SLC22A8: variants seen among roughly 807,000 people sequenced by gnomAD.
The protein encoded by SLC22A8 is solute carrier family 22 member 8.
Under a neutral mutation model 48.4 loss-of-function variants are expected in SLC22A8, and 40 were observed. The observed-to-expected ratio is 0.83, with a 90% CI of 0.64 to 1.08. The LOEUF is 1.08. SLC22A8 is among the 50% of genes least tolerant of loss of function. The pLI is 0.00. For missense variants in SLC22A8, 606 were observed against 699.0 expected, an observed-to-expected ratio of 0.87 and a Z score of 1.50; for synonymous variants, 268 against 286.3, an observed-to-expected ratio of 0.94 and a Z score of 0.65.
intron 2 of SLC22A8, among the ~76,000 whole-genome samples, chr11:63,009,584 T>C (rs993283296): frequency 3.9e-5 from 6 of 152,252 alleles, no homozygotes; most frequent in Admixed American, 6.5e-5. Flanking sequence ...CGTGTTCCCA[T>C]GCTTTCTAGA....
Position 62,993,555 on chromosome 11 carries a change from C to A in SLC22A8, c.1398G>T (p.Thr466=). The part of the protein sequence containing the change: ...GSMVSPLVKI[T]GEVQPFIPNI... The stretch of plus-strand genomic sequence containing the variant: ...TGGGGATGAAGGGCTGTACCTCACC[C>A]GTGATTTTCACCAGCGGGGACACCA... The change falls in exon 10 of 11, where the codon ACG becomes ACT. Residue 466 remains threonine (T), a synonymous_variant. Coordinates refer to ENST00000336232, the MANE Select transcript of SLC22A8 (RefSeq NM_004254.4). 6.2e-7 allele frequency: 1 copy of A among 1,614,038 alleles called. No homozygotes were observed. The highest frequency in any genetic ancestry group is 8.5e-7 in the Non-Finnish European group (1 of 1,179,900).
At chr11:62,997,949 C>T (rs762067190) in intron 5 of SLC22A8, among the ~76,000 whole-genome samples, 1 of 152,122 alleles carries the variant, frequency 6.6e-6, no homozygotes, top group Non-Finnish European at 1.5e-5. Flanking sequence ...TGCTCTTTGG[C>T]TCTGACTACC....
Position 63,010,417 on chromosome 11 carries a change from C to T in SLC22A8, c.333+4209G>A, listed in dbSNP as rs571284081. On this transcript the variant is annotated intron_variant, in intron 2 of 10. Coordinates refer to ENST00000336232, the MANE Select transcript of SLC22A8 (RefSeq NM_004254.4). ...ACCTGGAGCCAACGCATCGGTTTCCCGCCTCTGTGTCAGAGACCTACTTCT... is the reference window on the plus strand; with the variant it reads ...ACCTGGAGCCAACGCATCGGTTTCCTGCCTCTGTGTCAGAGACCTACTTCT... 5.3e-5 allele frequency among the ~76,000 whole-genome samples: 8 copies of T among 152,300 alleles called. No homozygotes were observed. In the East Asian group the frequency reaches 9.6e-4, roughly 18 times the overall value.
At chr11:62,993,929 A>G (rs749072359) in intron 8 of SLC22A8, 51 bp from the exon 9 acceptor site, 11 of 1,104,578 alleles carry the variant, frequency 1.0e-5, no homozygotes, top group African/African-American at 1.5e-5. Flanking sequence ...AGCACCTAAG[A>G]GTTCTCACTC....
intron 2 of SLC22A8, among the ~76,000 whole-genome samples, chr11:63,009,163 A>G (rs891145959): frequency 3.3e-5 from 5 of 151,932 alleles, no homozygotes; most frequent in African/African-American, 4.8e-5. Flanking sequence ...AGGGTGGGCA[A>G]ATGGGGGTGT....
At chr11:63,010,741 GT>G (rs1302277857) in intron 2 of SLC22A8, among the ~76,000 whole-genome samples, 1 of 152,216 alleles carries the variant, frequency 6.6e-6, no homozygotes, top group East Asian at 1.9e-4. Context: ...GACCCCCGGC[GT>G]CCTGCTGGGA....
intron 8 of SLC22A8, chr11:62,994,232 C>T: frequency 1.9e-6 from 1 of 524,432 alleles, no homozygotes; most frequent in South Asian, 2.4e-5. Flanking sequence ...TGAGCATGAG[C>T]TCTGTCGTTT....
At chr11:63,014,583 G>C (rs2086652922) in intron 2 of SLC22A8, 43 bp downstream of exon 2, 4 of 1,507,226 alleles carry the variant, frequency 2.7e-6, no homozygotes, top group Non-Finnish European at 3.6e-6. Context: ...CAGGGTATGG[G>C]GGTACGTGGG....
chr11:63,011,505 C>T (rs2135145550), intron 2 of SLC22A8, among the ~76,000 whole-genome samples: 1 of 152,252 alleles, frequency 6.6e-6, no homozygotes, highest in South Asian at 2.1e-4. Flanking sequence ...CACGGCAAGT[C>T]ACCTGTACAT....
rs11568495 is a variant in SLC22A8 at position 62,998,968 on chromosome 11, C to A, written c.714G>T (p.Leu238=). ...AGAAGGGAATGGACACAGTTAACTG[C>A]AGCCAACGCCACTGGGGGATGGCGT... ...LAYAIPQWRW[L]QLTVSIPFFV... Residue 238 remains leucine, a synonymous_variant, in exon 5 of 11, where the codon CTG becomes CTT. Coordinates refer to ENST00000336232, the MANE Select transcript of SLC22A8 (RefSeq NM_004254.4). The A allele has an allele frequency of 2.5e-6, 4 of 1,613,748 alleles. No homozygotes were observed. Among genetic ancestry groups the A allele is most frequent in the East Asian group, 4.5e-5 (2 of 44,892 alleles).
intron 2 of SLC22A8, among the ~76,000 whole-genome samples, chr11:63,009,653 CCTT>C (rs1250146303): frequency 6.6e-6 from 1 of 152,170 alleles, no homozygotes; most frequent in Non-Finnish European, 1.5e-5. Flanking sequence ...AAAATCCTGA[CCTT>C]CTCTGCTGCA....
At chr11:63,012,677 C>T (rs1427985680) in intron 2 of SLC22A8, among the ~76,000 whole-genome samples, 2 of 152,212 alleles carry the variant, frequency 1.3e-5, no homozygotes. Context: ...ACTATTCTAG[C>T]TGCTGCAGAT....
At chr11:63,013,787 A>C (rs1470443117) in intron 2 of SLC22A8, among the ~76,000 whole-genome samples, 2 of 152,208 alleles carry the variant, frequency 1.3e-5, no homozygotes, top group Non-Finnish European at 2.9e-5. Context: ...GACAGTGTCT[A>C]CAAAGCCCCC....
intron 2 of SLC22A8, among the ~76,000 whole-genome samples, chr11:63,004,632 G>A (rs1461352952): frequency 6.6e-6 from 1 of 152,154 alleles, no homozygotes; most frequent in East Asian, 1.9e-4. Flanking sequence ...TTTCTCAGTA[G>A]TGCTTATACC....
At chr11:63,014,550 T>G in intron 2 of SLC22A8, 76 bp downstream of exon 2, 2 of 1,322,364 alleles carry the variant, frequency 1.5e-6, no homozygotes, top group Non-Finnish European at 2.1e-6. Context: ...GACCCCAGCC[T>G]CCTCTGCTGC....
chr11:62,994,601 T>C lies in SLC22A8; in HGVS notation c.1157A>G (p.Gln386Arg). ...TCCTGCCAGGAGCAGGGCAGCGGCC[T>C]GAGTGGTATGCCGGCCCAGGTAGCT... ...SLSYLGRHTT[Q>R]AAALLLAGGA... The change falls in exon 8 of 11, where the codon CAG becomes CGG. Residue 386 changes from glutamine to arginine, a missense_variant. By Grantham distance (43) the Gln-to-Arg change is conservative. Coordinates refer to ENST00000336232, the MANE Select transcript of SLC22A8 (RefSeq NM_004254.4). 2 of 1,614,032 alleles carry C rather than the reference T, an allele frequency of 1.2e-6. No individual in the cohort carries two copies. The highest frequency in any genetic ancestry group is 1.7e-6 in the Non-Finnish European group (2 of 1,179,962).
rs759293732 is a variant in SLC22A8 at position 62,993,350 on chromosome 11, G to A, written c.1530-14C>T. On this transcript the variant is annotated splice_polypyrimidine_tract_variant and intron_variant, in intron 10 of 10. Coordinates refer to ENST00000336232, the MANE Select transcript of SLC22A8 (RefSeq NM_004254.4). ...GCCCGCAGGGACCTAGGGACAGAGA[G>A]CTAAGGAAAAGCCCTGGGCCCAGAC... The A allele has an allele frequency of 6.2e-7, 1 of 1,613,858 alleles. No individual in the cohort carries two copies. The highest frequency in any genetic ancestry group is 2.2e-5 in the East Asian group (1 of 44,862).
In SLC22A8 at chr11:63,014,707, C is replaced by T. The variant is rs763733241; in HGVS notation, c.252G>A (p.Leu84=). Residue 84 remains leucine (L), a synonymous_variant, in exon 2 of 11, where the codon CTG becomes CTA. Coordinates refer to ENST00000336232, the MANE Select transcript of SLC22A8 (RefSeq NM_004254.4). ...LRFVHPPNAS[L]PNDTQRAMEP... Reference sequence around the variant, plus strand: ...CCATGGCCCTCTGGGTGTCATTGGGCAGGCTGGCATTGGGCGGATGTACAA... The same window carrying T: ...CCATGGCCCTCTGGGTGTCATTGGGTAGGCTGGCATTGGGCGGATGTACAA... 6.2e-7 allele frequency: 1 copy of T among 1,614,010 alleles called. No homozygotes were observed. Among genetic ancestry groups the T allele is most frequent in the Non-Finnish European group, 8.5e-7 (1 of 1,179,926 alleles).
Position 63,014,976 on chromosome 11 carries a change from A to G in SLC22A8, c.-18T>C. ...AAGGTCATGGCACTGGGGCAAGACG[A>G]GCCAGAGCTGTGGGCAGGGCATAGG... On this transcript the variant is annotated 5_prime_UTR_variant, in exon 2 of 11. Transcript: ENST00000336232. 6.5e-7 allele frequency: 1 copy of G among 1,530,532 alleles called. No individual in the cohort carries two copies. Among genetic ancestry groups the G allele is most frequent in the Non-Finnish European group, 8.8e-7 (1 of 1,134,552 alleles). The allele number at this position is 1,530,532 out of a possible 1,614,324, so 94.8% of individuals were successfully genotyped here. A position where few individuals can be genotyped will look rare whatever the true frequency, so the allele number is the denominator to read the frequency against.
Sources: gnomAD v4.1 joint callset for allele counts (sites outside exome capture counted in the v4.1 genomes callset) on GRCh38, gnomAD v4.1.1 for gene constraint, MANE v1.5 for transcripts, NCBI Gene and HGNC (gene_info 2026-07-23, HGNC 2026-07-21) for gene names.